Variants in DPP6 observed in about 807,000 individuals in gnomAD.
DPP6 encodes dipeptidyl peptidase like 6.
DPP6 carries 69 observed loss-of-function variants against 122.6 expected under a neutral mutation model. That is an observed-to-expected ratio of 0.56 (90% CI 0.46 to 0.69). DPP6 has a LOEUF of 0.69. DPP6 is among the 30% of genes least tolerant of loss of function. The pLI, the probability that DPP6 is intolerant of heterozygous loss-of-function variation, is 0.00. For synonymous variants in DPP6, 418 were observed against 433.1 expected (o/e 0.97, Z 0.43); for missense variants, 928 against 1,116.9 (o/e 0.83, Z 2.41).
At chr7:154,409,032 T>C (rs1244979652) in intron 1 of DPP6, among the ~76,000 whole-genome samples, 1 of 152,056 alleles carries the variant, frequency 6.6e-6, no homozygotes, top group Non-Finnish European at 1.5e-5. Flanking sequence ...TAATCCCAGC[T>C]GCTCGGAAGG....
intron 3 of DPP6, among the ~76,000 whole-genome samples, chr7:154,497,116 A>G (rs77313822): frequency 0.14 from 21,686 of 152,110 alleles, 1,970 homozygotes; most frequent in East Asian, 0.38. Context: ...TCAGAGCTCA[A>G]TACCAGGCAG....
chr7:154,501,034 T>C (rs1044117958), intron 3 of DPP6, among the ~76,000 whole-genome samples: 30 of 152,300 alleles, frequency 2.0e-4, no homozygotes, highest in African/African-American at 6.7e-4. Flanking sequence ...AAGATGACTT[T>C]TGTTATGTTT....
chr7:154,761,122 A>C (rs1795522796), intron 8 of DPP6, among the ~76,000 whole-genome samples: 1 of 152,328 alleles, frequency 6.6e-6, no homozygotes, highest in Non-Finnish European at 1.5e-5. Flanking sequence ...GGTGTGAGCC[A>C]CCGCACCCAG....
intron 5 of DPP6, among the ~76,000 whole-genome samples, chr7:154,581,538 G>A (rs1467010204): frequency 6.6e-6 from 1 of 152,216 alleles, no homozygotes. Context: ...AGGACCCAGG[G>A]AGCTGGGGTG....
At chr7:154,722,376 T>G (rs934845780) in intron 7 of DPP6, among the ~76,000 whole-genome samples, 18 of 152,206 alleles carry the variant, frequency 1.2e-4, no homozygotes, top group Non-Finnish European at 2.6e-4. Flanking sequence ...AGATCCAGAT[T>G]CCCACTGTGA....
chr7:153,808,315 CTGTG>C, the DPP6 span, among the ~76,000 whole-genome samples: 3 of 142,584 alleles, frequency 2.1e-5, no homozygotes, highest in Non-Finnish European at 4.6e-5. Context: ...ACATGTGTGC[CTGTG>C]TGTGTCTGTG....
chr7:154,447,735 A>G (rs1278225354), intron 2 of DPP6, among the ~76,000 whole-genome samples: 1 of 152,260 alleles, frequency 6.6e-6, no homozygotes, highest in African/African-American at 2.4e-5. Context: ...ATGACCAAAT[A>G]GGATATATTC....
chr7:154,638,767 G>A (rs911239325), intron 6 of DPP6, among the ~76,000 whole-genome samples: 1 of 152,146 alleles, frequency 6.6e-6, no homozygotes. Flanking sequence ...AGTCTGTCGA[G>A]GAGAATTTTT....
chr7:153,831,585 T>TA, the DPP6 span, among the ~76,000 whole-genome samples: 2 of 152,316 alleles, frequency 1.3e-5, no homozygotes, highest in East Asian at 1.9e-4. Context: ...ATTTGGCAAG[T>TA]AAAAAGCAGC....
rs950478227 is a variant in DPP6, at chr7:154,821,810, C to T, written c.1666+14698C>T. Among the ~76,000 whole-genome samples, 4 of 151,756 alleles carry T rather than the reference C, an allele frequency of 2.6e-5. No individual in the cohort carries two copies. Among genetic ancestry groups the T allele is most frequent in the African/African-American group, 9.7e-5 (4 of 41,296 alleles). On this transcript the variant is annotated intron_variant, in intron 16 of 25. Transcript: ENST00000377770. This position sits in a 1 kb window ranked among gnomAD's most constrained non-coding sequence, Gnocchi z 4.2. ...AGTTCAATCAAAGGAAACAGTAAGACCATTTTGGTGACTACAAAATGTAAA... is the reference window on the plus strand; with the variant it reads ...AGTTCAATCAAAGGAAACAGTAAGATCATTTTGGTGACTACAAAATGTAAA...
chr7:154,782,137 C>T (rs1525753), intron 10 of DPP6, among the ~76,000 whole-genome samples: 78,338 of 151,992 alleles, frequency 0.52, 20,574 homozygotes, highest in Non-Finnish European at 0.56. Context: ...CTGCACCGTC[C>T]GCACCTAGAA....
intron 6 of DPP6, among the ~76,000 whole-genome samples, chr7:154,641,354 T>C (rs918035068): frequency 4.3e-4 from 66 of 152,338 alleles, no homozygotes; most frequent in African/African-American, 1.5e-3. Flanking sequence ...ATCTATATTT[T>C]AGCGGAACTA....
At chr7:153,877,168 T>C in the DPP6 span, among the ~76,000 whole-genome samples, 7 of 152,144 alleles carry the variant, frequency 4.6e-5, no homozygotes, top group African/African-American at 1.7e-4. Context: ...ATGTTAACGT[T>C]AGCCTACTGT....
chr7:153,825,457 A>G, the DPP6 span, among the ~76,000 whole-genome samples: 1 of 152,200 alleles, frequency 6.6e-6, no homozygotes, highest in African/African-American at 2.4e-5. Context: ...TGGTACACAG[A>G]CATATTATAT....
At chr7:154,577,009 G>A (rs1192154428) in intron 5 of DPP6, among the ~76,000 whole-genome samples, 1 of 152,140 alleles carries the variant, frequency 6.6e-6, no homozygotes, top group Admixed American at 6.5e-5. Context: ...GTAGAGTGGG[G>A]ATATCAGAAG....
At chr7:153,754,872 C>T in the DPP6 span, among the ~76,000 whole-genome samples, 1 of 151,676 alleles carries the variant, frequency 6.6e-6, no homozygotes, top group Non-Finnish European at 1.5e-5. Flanking sequence ...GTTCTTTCTC[C>T]ATAATTTCTA....
chr7:154,699,740 C>T (rs897187771), intron 7 of DPP6, among the ~76,000 whole-genome samples: 1 of 152,236 alleles, frequency 6.6e-6, no homozygotes, highest in Non-Finnish European at 1.5e-5. Flanking sequence ...CTTGGAGAAG[C>T]CCTGGCATGA....
chr7:154,246,696 G>A lies in DPP6; in HGVS notation c.243+193633G>A, dbSNP rs1460152963. Among the ~76,000 whole-genome samples, 5 of 152,042 alleles carry A rather than the reference G, an allele frequency of 3.3e-5. No individual in the cohort carries two copies. The East Asian group carries it at 5.8e-4, about 18-fold the overall frequency. On this transcript the variant is annotated intron_variant, in intron 1 of 25. Transcript: ENST00000377770. ...GCATAAGAAAAGACAAATAATCAAC[G>A]GAACTCATTTCTGAAGAGTCCAGAA...
intron 5 of DPP6, among the ~76,000 whole-genome samples, chr7:154,636,196 A>G (rs1285073571): frequency 6.6e-6 from 1 of 152,220 alleles, no homozygotes; most frequent in African/African-American, 2.4e-5. Flanking sequence ...CAGAAACTCT[A>G]TATAATATAC....
Sources: allele counts gnomAD v4.1 joint callset (sites outside exome capture counted in the v4.1 genomes callset), GRCh38; gene constraint gnomAD v4.1.1; non-coding constraint Gnocchi (gnomAD v3.1); transcripts MANE v1.5; gene names NCBI Gene and HGNC (gene_info 2026-07-23, HGNC 2026-07-21).